The following SH2B3 variants were observed in gnomAD, a reference collection of about 807,000 sequenced individuals.
SH2B3 encodes SH2B adapter protein 3.
A neutral mutation model predicts 51.9 loss-of-function variants in SH2B3; 43 were observed. That is an observed-to-expected ratio of 0.83 (90% CI 0.65 to 1.07). The LOEUF is 1.07. SH2B3 is among the 50% of genes least tolerant of loss of function. The pLI, the probability that SH2B3 is intolerant of heterozygous loss-of-function variation, is 0.00. For synonymous variants in SH2B3, 396 were observed against 376.0 expected (o/e 1.05, Z -0.62); for missense variants, 952 against 834.3 (o/e 1.14, Z -1.74).
Position 111,418,285 on chromosome 12 carries a change from T to A in SH2B3, c.140T>A (p.Leu47Gln). The A allele has an allele frequency of 6.5e-7, 1 of 1,538,272 alleles. No homozygotes were observed. Among genetic ancestry groups the A allele is most frequent in the East Asian group, 2.5e-5 (1 of 40,766 alleles). The change falls in exon 2 of 8, where the codon CTG becomes CAG. Residue 47 changes from leucine to glutamine, a missense_variant. Transcript: ENST00000341259. The surrounding 1 kb of genome is among the most constrained non-coding windows in gnomAD (Gnocchi z 6.7). ...CGGGAGCTGGCCCGCCAGTACTGGC[T>A]GTTCGCCCGGGAGCATCCGCAGCAC... is the stretch of plus-strand genomic sequence containing the variant. Reference protein sequence around the residue: ...AARELARQYWLFAREHPQHAP... With the variant: ...AARELARQYWQFAREHPQHAP...
intron 2 of SH2B3, among the ~76,000 whole-genome samples, chr12:111,426,733 C>T (rs1470314549): frequency 6.6e-6 from 1 of 151,884 alleles, no homozygotes; most frequent in Non-Finnish European, 1.5e-5. Flanking sequence ...CCTCTGTGTG[C>T]CAGGTGTTGC....
chr12:111,411,472 A>G (rs560818107), intron 1 of SH2B3, among the ~76,000 whole-genome samples: 1 of 152,204 alleles, frequency 6.6e-6, no homozygotes, highest in Non-Finnish European at 1.5e-5. Flanking sequence ...CTCCCGAATT[A>G]TACTATTATC....
At position 111,418,803 on chromosome 12, in the gene SH2B3, G is replaced by A. The variant is rs982851788; in HGVS notation, c.658G>A (p.Gly220Arg). The A allele has an allele frequency of 6.9e-7, 1 of 1,446,470 alleles. No homozygotes were observed. Among genetic ancestry groups the A allele is most frequent in the Non-Finnish European group, 9.0e-7 (1 of 1,110,980 alleles). 89.6% of individuals were successfully genotyped at this position (1,446,470 alleles called of 1,614,324 possible). A position where few individuals can be genotyped will look rare whatever the true frequency, so the allele number is the denominator to read the frequency against. Residue 220 changes from glycine to arginine, a missense_variant, in exon 2 of 8, where the codon GGG becomes AGG. By Grantham distance (125) the Gly-to-Arg change is moderately radical. Transcript: ENST00000341259. The surrounding 1 kb of genome is among the most constrained non-coding windows in gnomAD (Gnocchi z 6.7). ...GGACAGCGGGGCACGCTGGCAGCGCGGGAGGCTGGCGCTGCGCCGGGCCCC... is the reference window on the plus strand; with the variant it reads ...GGACAGCGGGGCACGCTGGCAGCGCAGGAGGCTGGCGCTGCGCCGGGCCCC... ...SMDSGARWQR[G>R]RLALRRAPGP...
At chr12:111,417,651 T>C (rs539447894) in intron 1 of SH2B3, among the ~76,000 whole-genome samples, 2 of 151,922 alleles carry the variant, frequency 1.3e-5, no homozygotes, top group Non-Finnish European at 2.9e-5. Flanking sequence ...GAGATGGGCT[T>C]TCACCATGTT....
chr12:111,416,831 T>C (rs1192493213), intron 1 of SH2B3, among the ~76,000 whole-genome samples: 1 of 152,212 alleles, frequency 6.6e-6, no homozygotes, highest in Non-Finnish European at 1.5e-5. Flanking sequence ...GAATCTGTGT[T>C]CTTAGCCATC....
At chr12:111,417,971 G>T in intron 1 of SH2B3, 148 bp from the exon 2 acceptor site, 1 of 564,696 alleles carries the variant, frequency 1.8e-6, no homozygotes. Context: ...CCACTTGGTA[G>T]GGGAGTGCAT....
chr12:111,414,825 G>T (rs1194698678), intron 1 of SH2B3, among the ~76,000 whole-genome samples: 2 of 152,162 alleles, frequency 1.3e-5, no homozygotes, highest in East Asian at 1.9e-4. Flanking sequence ...CCCATTTGTA[G>T]GTTCGCATCT....
chr12:111,410,762 G>A lies in SH2B3; in HGVS notation c.-28+4485G>A, dbSNP rs926155463. The stretch of plus-strand genomic sequence containing the variant: ...ACCCTGCCTTCGCCCCCTGCTTCCC[G>A]TGGGCATCTCTGCGTCTGGCAACTT... On this transcript the variant is annotated intron_variant, in intron 1 of 7. Coordinates refer to ENST00000341259, the MANE Select transcript of SH2B3 (RefSeq NM_005475.3). This position sits in a 1 kb window ranked among gnomAD's most constrained non-coding sequence, Gnocchi z 4.9. Among the ~76,000 whole-genome samples the A allele has an allele frequency of 3.3e-5, 5 of 152,204 alleles. No homozygotes were observed. The highest frequency in any genetic ancestry group is 1.9e-4 in the East Asian group (1 of 5,196).
At chr12:111,420,104 G>T (rs1320114512) in intron 2 of SH2B3, among the ~76,000 whole-genome samples, 1 of 152,158 alleles carries the variant, frequency 6.6e-6, no homozygotes, top group Non-Finnish European at 1.5e-5. Flanking sequence ...TTTATTTCCA[G>T]AGGGCTCAAA....
At chr12:111,441,510 G>A (rs767164042) in intron 2 of SH2B3, among the ~76,000 whole-genome samples, 30 of 152,122 alleles carry the variant, frequency 2.0e-4, no homozygotes, top group Non-Finnish European at 3.7e-4. Context: ...AGCCCTGAGG[G>A]ATTTCTGGGC....
intron 2 of SH2B3, among the ~76,000 whole-genome samples, chr12:111,439,583 C>T (rs897181362): frequency 2.0e-5 from 3 of 151,848 alleles, no homozygotes; most frequent in African/African-American, 7.3e-5. Flanking sequence ...TGCGCCCAGC[C>T]GGGAGTTTCT....
chr12:111,430,788 G>A (rs778210797), intron 2 of SH2B3, among the ~76,000 whole-genome samples: 5 of 152,174 alleles, frequency 3.3e-5, no homozygotes, highest in Admixed American at 6.5e-5. Flanking sequence ...CAGGCTCAGG[G>A]AGTAGCTGGC....
rs1378097174 is a variant in SH2B3, at chr12:111,434,853, G to T, written c.733-11900G>T. 5 of 1,533,814 alleles carry T rather than the reference G, an allele frequency of 3.3e-6. No individual in the cohort carries two copies. In the Admixed American group the frequency reaches 7.8e-5, roughly 24 times the overall value. ...CATGGTAAACGTTCAGTAAACAGGA[G>T]CTAAAATGATAGTAATGAGAGTCCG... On this transcript the variant is annotated intron_variant, in intron 2 of 7. Transcript: ENST00000341259.
intron 1 of SH2B3, among the ~76,000 whole-genome samples, chr12:111,411,522 C>T (rs1040755773): frequency 6.6e-6 from 1 of 152,186 alleles, no homozygotes; most frequent in Non-Finnish European, 1.5e-5. Context: ...AAGCCCTGAT[C>T]TCAGCGGGGC....
chr12:111,414,959 C>T (rs1326464913), intron 1 of SH2B3, among the ~76,000 whole-genome samples: 1 of 152,210 alleles, frequency 6.6e-6, no homozygotes, highest in East Asian at 1.9e-4. Flanking sequence ...ACAGCCAATA[C>T]GTGTCCCCCT....
intron 2 of SH2B3, among the ~76,000 whole-genome samples, chr12:111,441,858 T>C (rs1251930741): frequency 6.6e-6 from 1 of 152,182 alleles, no homozygotes; most frequent in Non-Finnish European, 1.5e-5. Flanking sequence ...GACTCTTGTC[T>C]GTGTTGTAGC....
intron 2 of SH2B3, among the ~76,000 whole-genome samples, chr12:111,443,048 C>T (rs1279049788): frequency 6.6e-6 from 1 of 152,248 alleles, no homozygotes; most frequent in Non-Finnish European, 1.5e-5. Context: ...AGACAGGTCC[C>T]CTGTCCCTCA....
rs2135636065 is a variant in SH2B3, at chr12:111,451,265, T to G, written c.*2963T>G. ...AACACTATTTTTACATAACAGTTTC[T>G]TAACCTAAAGTCAAGGCCTTGGACT... On this transcript the variant is annotated 3_prime_UTR_variant, in exon 8 of 8. Coordinates refer to ENST00000341259, the MANE Select transcript of SH2B3 (RefSeq NM_005475.3). 1 of 152,810 alleles carries G rather than the reference T, an allele frequency of 6.5e-6. No individual in the cohort carries two copies. The highest frequency in any genetic ancestry group is 1.9e-4 in the East Asian group (1 of 5,194). 9.5% of individuals were successfully genotyped at this position (152,810 alleles called of 1,614,324 possible). A position where few individuals can be genotyped will look rare whatever the true frequency, so the allele number is the denominator to read the frequency against.
chr12:111,414,953 C>T (rs958367587), intron 1 of SH2B3, among the ~76,000 whole-genome samples: 3 of 152,190 alleles, frequency 2.0e-5, no homozygotes, highest in African/African-American at 4.8e-5. Flanking sequence ...AGCCACACAG[C>T]CAATACGTGT....
Sources: gnomAD v4.1 joint callset for allele counts (sites outside exome capture counted in the v4.1 genomes callset) on GRCh38, gnomAD v4.1.1 for gene constraint, Gnocchi (gnomAD v3.1) non-coding constraint, MANE v1.5 for transcripts, NCBI Gene and HGNC (gene_info 2026-07-23, HGNC 2026-07-21) for gene names.